GRAMD4: variants seen among roughly 807,000 people sequenced by gnomAD.
GRAMD4 encodes GRAM domain containing 4.
GRAMD4 carries 25 observed loss-of-function variants against 83.9 expected under a neutral mutation model. The ratio of observed to expected loss-of-function variants is 0.30; its 90% CI spans 0.22 to 0.42. The LOEUF (loss-of-function observed/expected upper bound fraction) is 0.42. Ranked by LOEUF, GRAMD4 falls within the 10% of genes least tolerant of loss-of-function variation. The probability of loss-of-function intolerance (pLI) is 1.00; values close to 1 mark genes in which losing one functional copy is unlikely to be tolerated. For synonymous variants in GRAMD4, 336 were observed against 320.9 expected, an observed-to-expected ratio of 1.05 and a Z score of -0.50; for missense variants, 593 against 788.7, an observed-to-expected ratio of 0.75 and a Z score of 2.97.
intron 1 of GRAMD4, among the ~76,000 whole-genome samples, chr22:46,590,519 C>T (rs909037639): frequency 1.8e-4 from 28 of 152,310 alleles, no homozygotes; most frequent in African/African-American, 6.7e-4. Context: ...GGGCTGCTGC[C>T]GTTAACACCC....
intron 1 of GRAMD4, among the ~76,000 whole-genome samples, chr22:46,579,979 G>C (rs1003431676): frequency 6.6e-6 from 1 of 152,290 alleles, no homozygotes; most frequent in Non-Finnish European, 1.5e-5. Flanking sequence ...GGGACTGGCT[G>C]GGTGGCCTGG....
Position 46,679,515 on chromosome 22 carries a change from G to C in GRAMD4, c.*2264G>C. 1.0e-6 allele frequency: 1 copy of C among 985,534 alleles called. No homozygotes were observed. Among genetic ancestry groups the C allele is most frequent in the Non-Finnish European group, 1.2e-6 (1 of 829,806 alleles). The allele number at this position is 985,534 out of a possible 1,614,324, so 61.0% of individuals were successfully genotyped here. On this transcript the variant is annotated 3_prime_UTR_variant, in exon 19 of 19. Transcript: ENST00000406902. ...GAGAAGCTGTAGTTTTTACCAAATT[G>C]TGTACATCTGGGCAGATGTTTAATT... is the stretch of plus-strand genomic sequence containing the variant.
chr22:46,667,951 C>T, intron 10 of GRAMD4, 145 bp from the exon 11 acceptor site: 1 of 633,034 alleles, frequency 1.6e-6, no homozygotes. Context: ...CTCCTGGTGC[C>T]AGGTCCCCAA....
intron 1 of GRAMD4, among the ~76,000 whole-genome samples, chr22:46,595,731 TG>T (rs950046716): frequency 2.6e-5 from 4 of 152,210 alleles, no homozygotes; most frequent in Admixed American, 6.5e-5. Context: ...GGGGCCAAGA[TG>T]GGGACACCCA....
intron 2 of GRAMD4, among the ~76,000 whole-genome samples, chr22:46,630,847 G>A (rs1362505633): frequency 6.7e-6 from 1 of 149,984 alleles, no homozygotes; most frequent in Non-Finnish European, 1.5e-5. Context: ...TGGCAGCTGT[G>A]CGGTGTGCCC....
chr22:46,604,202 C>T (rs1029482575), intron 1 of GRAMD4, among the ~76,000 whole-genome samples: 15 of 152,142 alleles, frequency 9.9e-5, no homozygotes, highest in Admixed American at 1.3e-4. Context: ...CTGGCCTCCC[C>T]CCGTCAGTCC....
intron 3 of GRAMD4, among the ~76,000 whole-genome samples, chr22:46,643,391 G>T (rs1214223939): frequency 4.0e-5 from 6 of 151,896 alleles, no homozygotes; most frequent in Non-Finnish European, 2.9e-5. Flanking sequence ...TTTCTGAGCT[G>T]CTTGATGGTC....
intron 1 of GRAMD4, among the ~76,000 whole-genome samples, chr22:46,579,050 A>C (rs914148618): frequency 1.3e-5 from 2 of 152,238 alleles, no homozygotes; most frequent in Non-Finnish European, 2.9e-5. Context: ...TGTCCCAGCC[A>C]TGCAGCCTGG....
intron 4 of GRAMD4, among the ~76,000 whole-genome samples, chr22:46,660,349 G>T (rs1221428443): frequency 6.6e-6 from 1 of 152,138 alleles, no homozygotes; most frequent in African/African-American, 2.4e-5. Flanking sequence ...TGAAGGAGGA[G>T]GGGTGAAGGA....
intron 3 of GRAMD4, among the ~76,000 whole-genome samples, chr22:46,654,295 G>A (rs1052527258): frequency 4.6e-5 from 7 of 152,204 alleles, no homozygotes; most frequent in African/African-American, 1.2e-4. Context: ...GCATGGACCC[G>A]CCCACCAAGG....
intron 1 of GRAMD4, among the ~76,000 whole-genome samples, chr22:46,578,986 G>T (rs2081071666): frequency 6.6e-6 from 1 of 152,250 alleles, no homozygotes; most frequent in Non-Finnish European, 1.5e-5. Flanking sequence ...CCAGCCCTCT[G>T]CTCTGCTGCT....
intron 2 of GRAMD4, among the ~76,000 whole-genome samples, chr22:46,633,425 G>A (rs955766466): frequency 1.3e-5 from 2 of 152,246 alleles, no homozygotes; most frequent in African/African-American, 4.8e-5. Context: ...TGGCATGGAT[G>A]CCCGTCCTCT....
intron 1 of GRAMD4, among the ~76,000 whole-genome samples, chr22:46,595,771 A>C (rs1054541065): frequency 6.6e-6 from 1 of 152,378 alleles, no homozygotes; most frequent in Non-Finnish European, 1.5e-5. Context: ...CCACACAGGC[A>C]GGTGACTGCA....
At chr22:46,668,771 C>T in intron 12 of GRAMD4, 28 bp from the exon 13 acceptor site, 2 of 1,278,164 alleles carry the variant, frequency 1.6e-6, no homozygotes, top group Non-Finnish European at 2.1e-6. Context: ...CGGCGCCCGC[C>T]CGGCCTGAGC....
At chr22:46,585,930 G>A (rs1213227168) in intron 1 of GRAMD4, among the ~76,000 whole-genome samples, 1 of 152,208 alleles carries the variant, frequency 6.6e-6, no homozygotes, top group African/African-American at 2.4e-5. Context: ...CTCCTCTGGG[G>A]CTAGGACTGA....
chr22:46,634,534 G>A (rs2081829260), intron 2 of GRAMD4, among the ~76,000 whole-genome samples: 1 of 152,228 alleles, frequency 6.6e-6, no homozygotes, highest in African/African-American at 2.4e-5. Context: ...GTGCCAGCCT[G>A]GTCCTTGGTC....
chr22:46,614,200 C>T (rs892560339), intron 1 of GRAMD4, among the ~76,000 whole-genome samples: 2 of 152,236 alleles, frequency 1.3e-5, no homozygotes, highest in African/African-American at 2.4e-5. Flanking sequence ...GCCGAGGTTC[C>T]CTGGGCCTGC....
intron 1 of GRAMD4, among the ~76,000 whole-genome samples, chr22:46,594,031 T>G (rs1185203548): frequency 6.6e-6 from 1 of 151,762 alleles, no homozygotes; most frequent in Non-Finnish European, 1.5e-5. Flanking sequence ...AGCCATATTT[T>G]CGTTATTTTT....
downstream of GRAMD4, among the ~76,000 whole-genome samples, chr22:46,682,152 C>G (rs183997999): frequency 1.7e-4 from 26 of 152,306 alleles, no homozygotes; most frequent in Admixed American, 1.6e-3. Context: ...TCCACGTCAG[C>G]TGGAAGGGAG....
Sources: allele counts gnomAD v4.1 joint callset (sites outside exome capture counted in the v4.1 genomes callset), GRCh38; gene constraint gnomAD v4.1.1; transcripts MANE v1.5; gene names NCBI Gene and HGNC (gene_info 2026-07-23, HGNC 2026-07-21).